GALNT17: variants seen among roughly 807,000 people sequenced by gnomAD.
GALNT17 encodes the protein polypeptide N-acetylgalactosaminyltransferase 17, also known as UDP-GalNAc:polypeptide N-acetylgalactosaminyltransferase-like 3.
GALNT17 carries 29 observed loss-of-function variants against 63.7 expected under a neutral mutation model. The observed-to-expected ratio is 0.46, with a 90% CI of 0.34 to 0.62. The LOEUF is 0.62. Among genes scored for constraint, GALNT17 ranks in the 20% least tolerant of loss-of-function variants. The pLI is 0.01. For synonymous variants in GALNT17, 305 were observed against 318.3 expected (o/e 0.96, Z 0.45); for missense variants, 603 against 799.6 (o/e 0.75, Z 2.97).
At chr7:71,246,654 C>A (rs929023371) in intron 1 of GALNT17, among the ~76,000 whole-genome samples, 1 of 151,496 alleles carries the variant, frequency 6.6e-6, no homozygotes, top group South Asian at 2.1e-4. Context: ...CACGGTGAAA[C>A]CCCATCTCTA....
intron 5 of GALNT17, among the ~76,000 whole-genome samples, chr7:71,553,342 A>T (rs75015144): frequency 5.9e-5 from 9 of 151,650 alleles, no homozygotes; most frequent in African/African-American, 1.7e-4. Context: ...AAAAAAAAAA[A>T]TTTTCCAGCT....
At chr7:71,298,022 A>G (rs927967252) in intron 1 of GALNT17, among the ~76,000 whole-genome samples, 1 of 152,050 alleles carries the variant, frequency 6.6e-6, no homozygotes, top group South Asian at 2.1e-4. Flanking sequence ...AGAGTTGTGT[A>G]TTTTCTTTTA....
intron 3 of GALNT17, among the ~76,000 whole-genome samples, chr7:71,394,532 A>G (rs985506188): frequency 2.6e-5 from 4 of 152,196 alleles, no homozygotes; most frequent in African/African-American, 7.2e-5. Flanking sequence ...GAATTGTCCA[A>G]TAGGATCTAC....
At chr7:71,673,786 G>A (rs1249633225) in intron 8 of GALNT17, among the ~76,000 whole-genome samples, 1 of 152,042 alleles carries the variant, frequency 6.6e-6, no homozygotes, top group Non-Finnish European at 1.5e-5. Flanking sequence ...GGCTAATTTT[G>A]TGTTTTTGTT....
intron 9 of GALNT17, among the ~76,000 whole-genome samples, chr7:71,677,696 T>C (rs1470953719): frequency 1.3e-5 from 2 of 151,974 alleles, no homozygotes; most frequent in African/African-American, 4.8e-5. Context: ...TTTGTATTTT[T>C]AGTAGAGACG....
intron 1 of GALNT17, among the ~76,000 whole-genome samples, chr7:71,285,422 C>G (rs567994624): frequency 6.6e-6 from 1 of 152,320 alleles, no homozygotes; most frequent in South Asian, 2.1e-4. Context: ...GTTGTAAAAT[C>G]TGGACCAACC....
intron 5 of GALNT17, among the ~76,000 whole-genome samples, chr7:71,505,956 C>T (rs1227023746): frequency 6.6e-6 from 1 of 152,154 alleles, no homozygotes; most frequent in East Asian, 1.9e-4. Flanking sequence ...CCACAGGCCC[C>T]ATTGTGTTGA....
intron 9 of GALNT17, among the ~76,000 whole-genome samples, chr7:71,701,898 C>T (rs867322147): frequency 4.9e-5 from 5 of 101,440 alleles, no homozygotes; most frequent in South Asian, 3.4e-4. Context: ...TATATATACA[C>T]ATATATATAT....
At chr7:71,621,411 C>A (rs909749020) in intron 6 of GALNT17, among the ~76,000 whole-genome samples, 5 of 152,040 alleles carry the variant, frequency 3.3e-5, no homozygotes, top group African/African-American at 1.2e-4. Flanking sequence ...CCCGGTATGA[C>A]ACTTAACCTT....
At chr7:71,347,421 A>C (rs563823293) in intron 2 of GALNT17, among the ~76,000 whole-genome samples, 20 of 152,162 alleles carry the variant, frequency 1.3e-4, no homozygotes, top group Non-Finnish European at 2.5e-4. Context: ...AAATGTATAG[A>C]ATAATATACC....
rs773420140 is a variant in GALNT17 at position 71,133,183 on chromosome 7, C to A, written c.238+143C>A. Reference sequence around the variant, plus strand: ...CGCGCTCCTTCTTACCCTTCCTGCCCCGTTTCGGGCAGATGGCCGGGGCTG... The same window carrying A: ...CGCGCTCCTTCTTACCCTTCCTGCCACGTTTCGGGCAGATGGCCGGGGCTG... On this transcript the variant is annotated intron_variant, in intron 1 of 10. Coordinates refer to ENST00000333538, the MANE Select transcript of GALNT17 (RefSeq NM_022479.3). The A allele has an allele frequency of 2.7e-4, 182 of 680,048 alleles. 1 individual carries two copies. The highest frequency in any genetic ancestry group is 3.7e-4 in the Non-Finnish European group (163 of 437,176). 42.1% of individuals were successfully genotyped at this position (680,048 alleles called of 1,614,324 possible).
At position 71,276,770 on chromosome 7, in the gene GALNT17, G is replaced by T. The variant is rs577035879; in HGVS notation, c.239-58780G>T. ...CCCAGCACTTTGGGAGGCCGAGGCG[G>T]GTAGATCATTTGAGGTCAGGAGTTT... is the stretch of plus-strand genomic sequence containing the variant. On this transcript the variant is annotated intron_variant, in intron 1 of 10. Coordinates refer to ENST00000333538, the MANE Select transcript of GALNT17 (RefSeq NM_022479.3). Among the ~76,000 whole-genome samples the T allele has an allele frequency of 2.0e-5, 3 of 152,190 alleles. No individual in the cohort carries two copies. The East Asian group carries it at 5.8e-4, about 29-fold the overall frequency.
chr7:71,264,438 A>G (rs1790450369), intron 1 of GALNT17, among the ~76,000 whole-genome samples: 1 of 152,108 alleles, frequency 6.6e-6, no homozygotes. Flanking sequence ...AAATGTAATA[A>G]ATTCTAGAAC....
chr7:71,479,239 A>G (rs1233817783), intron 5 of GALNT17, among the ~76,000 whole-genome samples: 1 of 152,014 alleles, frequency 6.6e-6, no homozygotes, highest in African/African-American at 2.4e-5. Context: ...TGATGACTCT[A>G]TGCATGATTG....
intron 1 of GALNT17, among the ~76,000 whole-genome samples, chr7:71,280,436 C>T (rs934042150): frequency 6.6e-6 from 1 of 152,094 alleles, no homozygotes; most frequent in African/African-American, 2.4e-5. Flanking sequence ...CCACCTTCAC[C>T]AAGAGAGGAA....
chr7:71,227,361 C>T (rs529395159), intron 1 of GALNT17, among the ~76,000 whole-genome samples: 18 of 149,480 alleles, frequency 1.2e-4, no homozygotes, highest in East Asian at 6.2e-4. Flanking sequence ...AAGACCCTGT[C>T]TCTAAAAAAT....
chr7:71,687,702 G>A (rs1791382741), intron 9 of GALNT17, among the ~76,000 whole-genome samples: 1 of 152,088 alleles, frequency 6.6e-6, no homozygotes, highest in Admixed American at 6.6e-5. Context: ...ACAGAGTTGG[G>A]GGACTGAAGG....
intron 5 of GALNT17, among the ~76,000 whole-genome samples, chr7:71,517,539 C>T (rs1297876630): frequency 6.6e-6 from 1 of 152,284 alleles, no homozygotes; most frequent in African/African-American, 2.4e-5. Context: ...AATGACAGAA[C>T]TTTGGAGTGT....
At chr7:71,197,010 G>A (rs1216164425) in intron 1 of GALNT17, among the ~76,000 whole-genome samples, 1 of 151,824 alleles carries the variant, frequency 6.6e-6, no homozygotes. Context: ...AGGTGTATAT[G>A]TTTATAGAGT....
Sources: gnomAD v4.1 joint callset for allele counts (sites outside exome capture counted in the v4.1 genomes callset) on GRCh38, gnomAD v4.1.1 for gene constraint, MANE v1.5 for transcripts, NCBI Gene and HGNC (gene_info 2026-07-23, HGNC 2026-07-21) for gene names.